The following TCEA1 variants were observed in gnomAD, a reference collection of about 807,000 sequenced individuals.
The protein encoded by TCEA1 is transcription elongation factor A1.
In TCEA1, 21 loss-of-function variants were observed where a neutral mutation model predicts 43.8. The observed-to-expected ratio is 0.48, with a 90% CI of 0.34 to 0.69. The LOEUF (loss-of-function observed/expected upper bound fraction) is 0.69, where lower values mean the gene tolerates loss of function less well. Among genes scored for constraint, TCEA1 ranks in the 30% least tolerant of loss-of-function variants. The pLI is 0.01. For synonymous variants in TCEA1, 104 were observed against 117.5 expected (o/e 0.88, Z 0.75); for missense variants, 250 against 365.1 (o/e 0.68, Z 2.57).
At chr8:54,002,891 C>T (rs750825694) in intron 2 of TCEA1, 3 of 456,208 alleles carry the variant, frequency 6.6e-6, no homozygotes, top group Non-Finnish European at 1.3e-5. Context: ...AAAGACATTA[C>T]CTTGGAAAGG....
chr8:53,968,080 A>C lies in TCEA1; in HGVS notation c.*24T>G. ...ACAAAATCCGTTTTCTTAATGGTCC[A>C]GATATTTTGCCAATTCTTCCAACTC... is the stretch of plus-strand genomic sequence containing the variant. On this transcript the variant is annotated 3_prime_UTR_variant, in exon 10 of 10. Coordinates refer to ENST00000521604, the MANE Select transcript of TCEA1 (RefSeq NM_006756.4). 1 of 1,528,326 alleles carries C rather than the reference A, an allele frequency of 6.5e-7. No homozygotes were observed. The highest frequency in any genetic ancestry group is 8.8e-7 in the Non-Finnish European group (1 of 1,130,554). The allele number at this position is 1,528,326 out of a possible 1,614,324, so 94.7% of individuals were successfully genotyped here.
intron 2 of TCEA1, among the ~76,000 whole-genome samples, chr8:54,009,175 AAAAC>A (rs933467085): frequency 1.3e-5 from 2 of 152,136 alleles, no homozygotes; most frequent in African/African-American, 4.8e-5. Flanking sequence ...ACAAAAAAAA[AAAAC>A]AGATGCTGGT....
intron 6 of TCEA1, among the ~76,000 whole-genome samples, chr8:53,984,890 AAAC>A (rs1803640433): frequency 6.6e-6 from 1 of 152,142 alleles, no homozygotes; most frequent in African/African-American, 2.4e-5. Context: ...TTAAAAAAAA[AAAC>A]AAACCTGAAA....
chr8:54,022,297 G>A lies in TCEA1; in HGVS notation c.-172C>T, dbSNP rs546282690. 286 of 765,498 alleles carry A rather than the reference G, an allele frequency of 3.7e-4. 4 individuals carry two copies. The South Asian group carries it at 4.3e-3, about 12-fold the overall frequency. The allele number at this position is 765,498 out of a possible 1,614,324, so 47.4% of individuals were successfully genotyped here. On this transcript the variant is annotated 5_prime_UTR_variant, in exon 1 of 10. Transcript: ENST00000521604. The stretch of plus-strand genomic sequence containing the variant: ...AGCCCGCGGCGGCGGCGGCGGCGGC[G>A]GCGGCTCCGGCTCCTCCTCCCCAGG...
intron 8 of TCEA1, among the ~76,000 whole-genome samples, chr8:53,974,401 T>C (rs897600829): frequency 1.3e-5 from 2 of 152,120 alleles, no homozygotes; most frequent in Admixed American, 6.5e-5. Flanking sequence ...TGTATATTCC[T>C]ATAGATTAGT....
chr8:53,976,638 TTATG>T (rs1262954040), intron 8 of TCEA1, among the ~76,000 whole-genome samples: 4 of 152,238 alleles, frequency 2.6e-5, no homozygotes, highest in Non-Finnish European at 5.9e-5. Flanking sequence ...TATAATTTGA[TTATG>T]TAAGTATATC....
At position 53,987,970 on chromosome 8, in the gene TCEA1, TCAG is replaced by T. The variant is rs923084986; in HGVS notation, c.466+141_466+143del. 5.2e-6 allele frequency: 5 copies of T among 965,514 alleles called. 1 individual carries two copies. The African/African-American group carries it at 8.2e-5, about 16-fold the overall frequency. 59.8% of individuals were successfully genotyped at this position (965,514 alleles called of 1,614,324 possible). A position where few individuals can be genotyped will look rare whatever the true frequency, so the allele number is the denominator to read the frequency against. ...TCCTCTCCCCCTTAACAGACCCGTATCAGCAACAACTTCTCCCCAAGCTAAGCA... is the reference window on the plus strand; with the variant it reads ...TCCTCTCCCCCTTAACAGACCCGTATCAACAACTTCTCCCCAAGCTAAGCA... On this transcript the variant is annotated intron_variant, in intron 5 of 9. Transcript: ENST00000521604.
intron 3 of TCEA1, among the ~76,000 whole-genome samples, chr8:53,994,138 A>C (rs996889113): frequency 1.1e-4 from 17 of 152,226 alleles, no homozygotes; most frequent in African/African-American, 4.1e-4. Context: ...TGAGCTCATG[A>C]GTTTGAGACC....
intron 2 of TCEA1, among the ~76,000 whole-genome samples, chr8:54,008,430 A>T (rs1238989409): frequency 6.6e-6 from 1 of 152,034 alleles, no homozygotes; most frequent in African/African-American, 2.4e-5. Flanking sequence ...TGGGAGACCA[A>T]GGCTGGAGTT....
intron 3 of TCEA1, among the ~76,000 whole-genome samples, chr8:53,998,140 A>T (rs988696748): frequency 1.5e-4 from 23 of 152,348 alleles, no homozygotes; most frequent in African/African-American, 5.3e-4. Flanking sequence ...TGATGGTTAC[A>T]TGAATGTATA....
chr8:54,019,312 G>A (rs1178969925), intron 1 of TCEA1, among the ~76,000 whole-genome samples: 1 of 152,096 alleles, frequency 6.6e-6, no homozygotes, highest in Non-Finnish European at 1.5e-5. Flanking sequence ...GCTCACATCT[G>A]TAATCCCAGC....
intron 4 of TCEA1, among the ~76,000 whole-genome samples, chr8:53,990,646 G>A (rs1803847650): frequency 6.6e-6 from 1 of 152,120 alleles, no homozygotes; most frequent in African/African-American, 2.4e-5. Context: ...TTACAGGTGT[G>A]AGCCACCACA....
intron 1 of TCEA1, among the ~76,000 whole-genome samples, chr8:54,014,743 G>A (rs560420192): frequency 6.6e-6 from 1 of 152,332 alleles, no homozygotes; most frequent in East Asian, 1.9e-4. Flanking sequence ...GTAAAAAGGA[G>A]GGAGTAATAG....
intron 8 of TCEA1, among the ~76,000 whole-genome samples, chr8:53,976,732 G>A (rs1803344030): frequency 6.6e-6 from 1 of 151,936 alleles, no homozygotes; most frequent in African/African-American, 2.4e-5. Flanking sequence ...ATTTTTTAGG[G>A]TGCAATTTTT....
intron 7 of TCEA1, among the ~76,000 whole-genome samples, chr8:53,982,506 A>G (rs1167252530): frequency 2.6e-5 from 4 of 151,212 alleles, no homozygotes; most frequent in Non-Finnish European, 4.4e-5. Context: ...TACTCAGGAG[A>G]CTAAGGCAGG....
intron 1 of TCEA1, among the ~76,000 whole-genome samples, chr8:54,020,419 G>A (rs1304187508): frequency 6.6e-6 from 1 of 152,146 alleles, no homozygotes; most frequent in East Asian, 1.9e-4. Context: ...ACTTTAAAAG[G>A]CCAAAATTTG....
chr8:53,981,987 C>G (rs1803525385), intron 7 of TCEA1, among the ~76,000 whole-genome samples: 1 of 149,158 alleles, frequency 6.7e-6, no homozygotes, highest in Non-Finnish European at 1.5e-5. Flanking sequence ...CTAGTCTCCA[C>G]CTCCTGGACT....
chr8:53,988,212 C>G lies in TCEA1; in HGVS notation c.368G>C (p.Arg123Pro). ...VSNRKDETNA[R>P]DTYVSSFPRA... ...AGGAAAGGATGAAACATAAGTATCT[C>G]GAGCATTTGTCTCATCCTTTCTGTT... The change falls in exon 5 of 10, where the codon CGA (arginine) becomes CCA (proline). Residue 123 changes from arginine (R) to proline (P), a missense_variant. This residue lies in a region of TCEA1 where 147 missense variants were observed against 160.3 expected (regional missense o/e 0.92). Coordinates refer to ENST00000521604, the MANE Select transcript of TCEA1 (RefSeq NM_006756.4). The G allele has an allele frequency of 2.5e-6, 4 of 1,613,410 alleles. No homozygotes were observed. Among genetic ancestry groups the G allele is most frequent in the Non-Finnish European group, 3.4e-6 (4 of 1,179,676 alleles).
chr8:54,013,077 A>C (rs1488012998), intron 1 of TCEA1, among the ~76,000 whole-genome samples: 1 of 152,134 alleles, frequency 6.6e-6, no homozygotes, highest in Non-Finnish European at 1.5e-5. Context: ...AGAATCTCTT[A>C]ATAAGGGTAA....
Sources: gnomAD v4.1 joint callset for allele counts (sites outside exome capture counted in the v4.1 genomes callset) on GRCh38, gnomAD v4.1.1 for gene constraint, gnomAD v4.1.1 regional missense constraint, MANE v1.5 for transcripts, NCBI Gene and HGNC (gene_info 2026-07-23, HGNC 2026-07-21) for gene names.